The following NUDT3 variants were observed in gnomAD, a reference collection of about 807,000 sequenced individuals.
The protein encoded by NUDT3 is nudix hydrolase 3.
NUDT3 carries 9 observed loss-of-function variants against 23.6 expected under a neutral mutation model. The observed-to-expected ratio is 0.38, with a 90% CI of 0.23 to 0.66. NUDT3 has a LOEUF of 0.66. Among genes scored for constraint, NUDT3 ranks in the 30% least tolerant of loss-of-function variants. The pLI, the probability that NUDT3 is intolerant of heterozygous loss-of-function variation, is 0.52. For missense variants in NUDT3, 172 were observed against 218.5 expected, an observed-to-expected ratio of 0.79 and a Z score of 1.34; for synonymous variants, 86 against 82.6, an observed-to-expected ratio of 1.04 and a Z score of -0.22.
intron 2 of NUDT3, among the ~76,000 whole-genome samples, chr6:34,308,880 C>T (rs1763725033): frequency 6.6e-6 from 1 of 152,144 alleles, no homozygotes; most frequent in African/African-American, 2.4e-5. Flanking sequence ...TCGAAACAGG[C>T]AGATCTAGGT....
intron 2 of NUDT3, among the ~76,000 whole-genome samples, chr6:34,302,496 G>C (rs1460418299): frequency 6.6e-6 from 1 of 152,206 alleles, no homozygotes; most frequent in East Asian, 1.9e-4. Context: ...ACTTTGGGAG[G>C]CCGAGGTGGG....
intron 2 of NUDT3, among the ~76,000 whole-genome samples, chr6:34,333,423 T>C (rs1244102696): frequency 6.6e-6 from 1 of 152,158 alleles, no homozygotes; most frequent in Non-Finnish European, 1.5e-5. Flanking sequence ...AAAAGAAACA[T>C]ACACTCAATG....
At chr6:34,354,675 A>G (rs935395953) in intron 1 of NUDT3, among the ~76,000 whole-genome samples, 1 of 148,206 alleles carries the variant, frequency 6.7e-6, no homozygotes, top group African/African-American at 2.5e-5. Flanking sequence ...GTGAGCTGAG[A>G]TGGCACCACT....
intron 1 of NUDT3, among the ~76,000 whole-genome samples, chr6:34,364,033 T>C (rs1764689147): frequency 6.6e-6 from 1 of 152,198 alleles, no homozygotes; most frequent in Non-Finnish European, 1.5e-5. Context: ...GGAAGCTAGT[T>C]GCTAACTAAC....
chr6:34,349,338 G>A (rs1554154319), intron 1 of NUDT3, among the ~76,000 whole-genome samples: 3 of 150,858 alleles, frequency 2.0e-5, no homozygotes, highest in African/African-American at 7.4e-5. Context: ...ATAAGACCAA[G>A]TGACTGACAG....
chr6:34,291,033 C>T (rs569184051), intron 4 of NUDT3, among the ~76,000 whole-genome samples: 1 of 151,970 alleles, frequency 6.6e-6, no homozygotes, highest in Non-Finnish European at 1.5e-5. Context: ...TATCTTAGCT[C>T]ACTGCAATCT....
chr6:34,380,508 G>A (rs879452102), intron 1 of NUDT3, among the ~76,000 whole-genome samples: 3 of 152,088 alleles, frequency 2.0e-5, no homozygotes, highest in Non-Finnish European at 4.4e-5. Flanking sequence ...AAGAGTCACT[G>A]CAGCCAGCTA....
intron 2 of NUDT3, among the ~76,000 whole-genome samples, chr6:34,332,849 G>A (rs1330521262): frequency 6.6e-6 from 1 of 152,142 alleles, no homozygotes; most frequent in East Asian, 1.9e-4. Flanking sequence ...TGGCTGAGGT[G>A]AGAAAAGGTA....
chr6:34,374,156 CAAAAAAAAAAAA>C (rs397888346), intron 1 of NUDT3, among the ~76,000 whole-genome samples: 2 of 64,698 alleles, frequency 3.1e-5, no homozygotes, highest in African/African-American at 1.1e-4. Flanking sequence ...GGCTCCCTCT[CAAAAAAAAAAAA>C]AAAAAAAAAA....
intron 2 of NUDT3, among the ~76,000 whole-genome samples, chr6:34,328,640 G>A (rs1211563083): frequency 1.3e-5 from 2 of 151,986 alleles, no homozygotes; most frequent in Non-Finnish European, 2.9e-5. Context: ...TCCCTCCTCT[G>A]CCTCCCAAGT....
At chr6:34,329,167 T>C (rs1764087255) in intron 2 of NUDT3, among the ~76,000 whole-genome samples, 1 of 152,222 alleles carries the variant, frequency 6.6e-6, no homozygotes, top group Non-Finnish European at 1.5e-5. Flanking sequence ...AGATACCATA[T>C]GGAGCCTTCT....
chr6:34,371,783 A>T (rs1764834238), intron 1 of NUDT3, among the ~76,000 whole-genome samples: 1 of 152,202 alleles, frequency 6.6e-6, no homozygotes, highest in Non-Finnish European at 1.5e-5. Context: ...TCTAGAGTAC[A>T]TGTACACAAC....
At chr6:34,372,557 C>A (rs1335638773) in intron 1 of NUDT3, among the ~76,000 whole-genome samples, 5 of 152,000 alleles carry the variant, frequency 3.3e-5, no homozygotes, top group African/African-American at 4.8e-5. Flanking sequence ...GTAATCCCAG[C>A]ACTTTGAGAG....
intron 2 of NUDT3, among the ~76,000 whole-genome samples, chr6:34,330,800 C>G (rs1764115216): frequency 6.6e-6 from 1 of 151,598 alleles, no homozygotes. Flanking sequence ...GACTCTGTCT[C>G]CAAAAAGAAA....
chr6:34,335,531 G>A (rs1441375384), intron 2 of NUDT3, among the ~76,000 whole-genome samples: 1 of 151,916 alleles, frequency 6.6e-6, no homozygotes, highest in Non-Finnish European at 1.5e-5. Flanking sequence ...ATGCTTACAA[G>A]AATGTTACTT....
rs112383606 is a variant in NUDT3, at chr6:34,324,892, C to T, written c.210+16970G>A. Reference sequence around the variant, plus strand: ...AGAGGCGGTTCTACTAGGAATATGGCTGTGGGGCCAGTGTTGAATTACACT... The same window carrying T: ...AGAGGCGGTTCTACTAGGAATATGGTTGTGGGGCCAGTGTTGAATTACACT... On this transcript the variant is annotated intron_variant, in intron 2 of 4. Coordinates refer to ENST00000607016, the MANE Select transcript of NUDT3 (RefSeq NM_006703.4). Among the ~76,000 whole-genome samples the T allele has an allele frequency of 8.5e-3, 1,290 of 152,300 alleles. 18 individuals carry two copies. Among genetic ancestry groups the T allele is most frequent in the African/African-American group, 0.027 (1,108 of 41,556 alleles).
chr6:34,310,315 A>G (rs1763751667), intron 2 of NUDT3, among the ~76,000 whole-genome samples: 1 of 152,038 alleles, frequency 6.6e-6, no homozygotes. Flanking sequence ...GGATCACTTG[A>G]GGTCATGAGT....
intron 2 of NUDT3, among the ~76,000 whole-genome samples, chr6:34,324,904 T>A (rs1394297070): frequency 6.6e-6 from 1 of 152,104 alleles, no homozygotes; most frequent in Non-Finnish European, 1.5e-5. Flanking sequence ...GTGGGGCCAG[T>A]GTTGAATTAC....
At chr6:34,364,358 T>G (rs1309637023) in intron 1 of NUDT3, among the ~76,000 whole-genome samples, 1 of 152,212 alleles carries the variant, frequency 6.6e-6, no homozygotes, top group Non-Finnish European at 1.5e-5. Flanking sequence ...TTCTCTAGCA[T>G]TATAAAACTC....
Sources: gnomAD v4.1 joint callset for allele counts (sites outside exome capture counted in the v4.1 genomes callset) on GRCh38, gnomAD v4.1.1 for gene constraint, MANE v1.5 for transcripts, NCBI Gene and HGNC (gene_info 2026-07-23, HGNC 2026-07-21) for gene names.